IL1RAPL2: variants seen among roughly 807,000 people sequenced by gnomAD.
IL1RAPL2 encodes interleukin 1 receptor accessory protein like 2, also known as X-linked interleukin-1 receptor accessory protein-like 2.
Under a neutral mutation model 44.1 loss-of-function variants are expected in IL1RAPL2, and 3 were observed. The observed-to-expected ratio is 0.07, with a 90% CI of 0.03 to 0.18. The LOEUF is 0.18. Among genes scored for constraint, IL1RAPL2 ranks in the 10% least tolerant of loss-of-function variants. IL1RAPL2 has a pLI of 1.00. For missense variants in IL1RAPL2, 391 were observed against 496.4 expected (o/e 0.79, Z 2.02); for synonymous variants, 181 against 178.8 (o/e 1.01, Z -0.10).
At chrX:104,874,279 CCT>C (rs59789265) in intron 2 of IL1RAPL2, among the ~76,000 whole-genome samples, 1,053 of 75,980 alleles carry the variant, frequency 0.014, 7 homozygotes, top group African/African-American at 0.032. Context: ...TGTCTGTATT[CCT>C]CTCTCTCTCT....
intron 5 of IL1RAPL2, among the ~76,000 whole-genome samples, chrX:105,288,794 C>T (rs1243539205): frequency 9.0e-6 from 1 of 110,630 alleles, no homozygotes; most frequent in Non-Finnish European, 1.9e-5. Flanking sequence ...CATTTAATGG[C>T]CTCCAGTGAA....
chrX:104,909,887 C>G (rs760941416), intron 2 of IL1RAPL2, among the ~76,000 whole-genome samples: 1 of 112,459 alleles, frequency 8.9e-6, no homozygotes, highest in Non-Finnish European at 1.9e-5. Flanking sequence ...CCACCCAGTT[C>G]GAGCTTCCTG....
intron 5 of IL1RAPL2, among the ~76,000 whole-genome samples, chrX:105,447,108 A>ATATGAATAT (rs2035963967): frequency 1.5e-4 from 3 of 20,587 alleles, no homozygotes; most frequent in African/African-American, 7.1e-4. Flanking sequence ...TATATATATA[A>ATATGAATAT]AAATATATAT....
intron 2 of IL1RAPL2, among the ~76,000 whole-genome samples, chrX:104,798,571 C>A (rs776756004): frequency 3.2e-4 from 35 of 110,873 alleles, no homozygotes; most frequent in African/African-American, 9.8e-4. Context: ...GAGGCTGAGG[C>A]AGGAGAATGG....
chrX:104,779,935 T>C (rs1932761634), intron 2 of IL1RAPL2, among the ~76,000 whole-genome samples: 1 of 111,502 alleles, frequency 9.0e-6, no homozygotes, highest in African/African-American at 3.3e-5. Flanking sequence ...AAGAGTTAGA[T>C]GGTTATTAAG....
intron 2 of IL1RAPL2, among the ~76,000 whole-genome samples, chrX:105,081,935 C>CT (rs1477638394): frequency 6.3e-5 from 7 of 111,263 alleles, no homozygotes; most frequent in Middle Eastern, 4.6e-3. Flanking sequence ...CTGAAATTTT[C>CT]TTTTTTTTGT....
intron 2 of IL1RAPL2, among the ~76,000 whole-genome samples, chrX:104,900,140 A>G (rs900053944): frequency 1.8e-5 from 2 of 111,967 alleles, no homozygotes; most frequent in African/African-American, 6.5e-5. Context: ...CACATCTAAG[A>G]TCCCATTGAT....
chrX:105,062,127 C>CT (rs1431610729), intron 2 of IL1RAPL2, among the ~76,000 whole-genome samples: 1 of 110,599 alleles, frequency 9.0e-6, no homozygotes, highest in Non-Finnish European at 1.9e-5. Context: ...TCCTGTCTTC[C>CT]TTTTAGTGAA....
At chrX:105,712,703 G>A (rs1175299050) in intron 6 of IL1RAPL2, among the ~76,000 whole-genome samples, 1 of 111,575 alleles carries the variant, frequency 9.0e-6, no homozygotes, top group African/African-American at 3.3e-5. Context: ...CTTTCAACAT[G>A]TGGTGATGCC....
In IL1RAPL2 at chrX:104,770,032, A is replaced by G. The variant is rs764285437; in HGVS notation, c.82+111037A>G. Among the ~76,000 whole-genome samples, 159 of 111,018 alleles carry G rather than the reference A, an allele frequency of 1.4e-3. 1 individual carries two copies. The highest frequency in any genetic ancestry group is 4.8e-3 in the African/African-American group (147 of 30,550). ...TTTTAGTAAGTCACATAAATGTATT[A>G]CCTGATTGTCATGACATCTAGGATT... is the stretch of plus-strand genomic sequence containing the variant. On this transcript the variant is annotated intron_variant, in intron 2 of 10. Transcript: ENST00000372582.
At chrX:105,466,437 G>T (rs775363180) in intron 5 of IL1RAPL2, among the ~76,000 whole-genome samples, 2 of 111,378 alleles carry the variant, frequency 1.8e-5, no homozygotes, top group Non-Finnish European at 3.8e-5. Flanking sequence ...CAGTCTGCAT[G>T]AGTGCTCTGA....
rs550173844 is a variant in IL1RAPL2 at position 105,308,683 on chromosome X, C to T, written c.697+41142C>T. Among the ~76,000 whole-genome samples, 5 of 112,442 alleles carry T rather than the reference C, an allele frequency of 4.4e-5. No homozygotes were observed. The East Asian group carries it at 1.4e-3, about 31-fold the overall frequency. On this transcript the variant is annotated intron_variant, in intron 5 of 10. Coordinates refer to ENST00000372582, the MANE Select transcript of IL1RAPL2 (RefSeq NM_017416.2). ...TTCTCCTTTATTACTAAAGATCCGT[C>T]GTCCTGTTGATGAACATTTAGATTG... is the stretch of plus-strand genomic sequence containing the variant.
intron 2 of IL1RAPL2, among the ~76,000 whole-genome samples, chrX:105,038,637 T>A (rs1354036517): frequency 1.8e-5 from 2 of 110,805 alleles, no homozygotes; most frequent in Admixed American, 1.9e-4. Context: ...ACAGATTATT[T>A]CATCGCCTAT....
In IL1RAPL2 at chrX:105,308,671, C is replaced by T. The variant is rs1024028681; in HGVS notation, c.697+41130C>T. Among the ~76,000 whole-genome samples the T allele has an allele frequency of 9.8e-5, 11 of 112,591 alleles. No homozygotes were observed. In the East Asian group the frequency reaches 3.1e-3, roughly 31 times the overall value. On this transcript the variant is annotated intron_variant, in intron 5 of 10. Coordinates refer to ENST00000372582, the MANE Select transcript of IL1RAPL2 (RefSeq NM_017416.2). ...TTGCATGTGTCATTCTCCTTTATTA[C>T]TAAAGATCCGTCGTCCTGTTGATGA...
chrX:105,173,317 C>T (rs2033441658), intron 2 of IL1RAPL2, among the ~76,000 whole-genome samples: 1 of 111,858 alleles, frequency 8.9e-6, no homozygotes, highest in Non-Finnish European at 1.9e-5. Context: ...GCGGGTTTGC[C>T]CGTGGATGGT....
intron 2 of IL1RAPL2, among the ~76,000 whole-genome samples, chrX:104,694,656 G>A (rs1241709214): frequency 9.0e-6 from 1 of 111,457 alleles, no homozygotes; most frequent in Non-Finnish European, 1.9e-5. Flanking sequence ...CTAAAAGTAG[G>A]GAAGGAAAAA....
In IL1RAPL2 at chrX:104,669,783, A is replaced by G. The variant is rs750836791; in HGVS notation, c.82+10788A>G. Among the ~76,000 whole-genome samples the G allele has an allele frequency of 2.7e-5, 3 of 111,955 alleles. No individual in the cohort carries two copies. The Admixed American group carries it at 2.8e-4, about 11-fold the overall frequency. ...GAGTTACATGCATTATTTTCCTTCT[A>G]GACATCTTCCCTTGGCTGTCCCACA... On this transcript the variant is annotated intron_variant, in intron 2 of 10. Coordinates refer to ENST00000372582, the MANE Select transcript of IL1RAPL2 (RefSeq NM_017416.2).
chrX:105,716,677 T>C (rs2038259232), intron 6 of IL1RAPL2, among the ~76,000 whole-genome samples: 1 of 111,712 alleles, frequency 9.0e-6, no homozygotes, highest in African/African-American at 3.3e-5. Context: ...CACCTAAAAA[T>C]AACCATTATA....
intron 1 of IL1RAPL2, among the ~76,000 whole-genome samples, chrX:104,630,889 G>A (rs1467390596): frequency 2.8e-5 from 3 of 108,705 alleles, no homozygotes; most frequent in Non-Finnish European, 5.7e-5. Flanking sequence ...GGCACAACGT[G>A]CAGGTTAGTT....
Sources: gnomAD v4.1 joint callset for allele counts (sites outside exome capture counted in the v4.1 genomes callset) on GRCh38, gnomAD v4.1.1 for gene constraint, MANE v1.5 for transcripts, NCBI Gene and HGNC (gene_info 2026-07-23, HGNC 2026-07-21) for gene names.